MCC: variants seen among roughly 807,000 people sequenced by gnomAD.
MCC encodes the protein MCC regulator of Wnt signaling pathway, also known as colorectal mutant cancer protein.
In MCC, 90 loss-of-function variants were observed where a neutral mutation model predicts 116.2. The observed-to-expected ratio is 0.77, with a 90% confidence interval of 0.65 to 0.92. MCC has a LOEUF of 0.92. Ranked by LOEUF, MCC falls within the 40% of genes least tolerant of loss-of-function variation. The pLI is 0.00. For synonymous variants in MCC, 578 were observed against 510.5 expected (o/e 1.13, Z -1.78); for missense variants, 1,516 against 1,312.2 (o/e 1.16, Z -2.40).
intron 2 of MCC, among the ~76,000 whole-genome samples, chr5:113,353,660 G>A (rs59926560): frequency 0.014 from 2,145 of 152,228 alleles, 58 homozygotes; most frequent in African/African-American, 0.049. Flanking sequence ...AGGGTCACCC[G>A]TAGGATTCTA....
chr5:113,294,640 G>T, intron 3 of MCC: 4 of 1,117,110 alleles, frequency 3.6e-6, no homozygotes, highest in East Asian at 4.8e-5. Context: ...CTGCGGCAGC[G>T]GCGGAGCCCG....
At chr5:113,470,931 C>T (rs1181206222) in intron 1 of MCC, among the ~76,000 whole-genome samples, 1 of 152,140 alleles carries the variant, frequency 6.6e-6, no homozygotes, top group African/African-American at 2.4e-5. Context: ...TCATTCATTT[C>T]GTCTTCCATC....
In MCC at chr5:113,064,029, C is replaced by A; in HGVS notation, c.2168G>T (p.Cys723Phe). The A allele has an allele frequency of 6.2e-7, 1 of 1,614,002 alleles. No individual in the cohort carries two copies. The highest frequency in any genetic ancestry group is 8.5e-7 in the Non-Finnish European group (1 of 1,180,008). The part of the protein sequence containing the change: ...SCGGAFAVAG[C>F]SVQPWESLSS... ...AAGGCTCTCCCAGGGCTGCACGCTG[C>A]AGCCGGCCACGGCAAAGGCTCCCCC... The change falls in exon 14 of 19, where the codon TGC (cysteine) becomes TTC (phenylalanine). Residue 723 changes from cysteine to phenylalanine, a missense_variant. Physicochemically the swap from Cys to Phe is radical, Grantham distance 205. Transcript: ENST00000408903.
chr5:113,428,736 T>C (rs915104531), intron 1 of MCC: 1 of 152,102 alleles, frequency 6.6e-6, no homozygotes, highest in African/African-American at 2.4e-5. Flanking sequence ...CAAGGAAGAA[T>C]TTAAGGGGAA....
chr5:113,488,240 C>G lies in MCC; in HGVS notation c.170+5G>C, dbSNP rs535000692. 1.9e-6 allele frequency: 3 copies of G among 1,587,838 alleles called. No individual in the cohort carries two copies. Among genetic ancestry groups the G allele is most frequent in the African/African-American group, 2.8e-5 (2 of 71,852 alleles). On this transcript the variant is annotated splice_donor_5th_base_variant and intron_variant, in intron 1 of 18. Transcript: ENST00000408903. ...CTGTCGGTTTCCTCGTACCTCCCCG[C>G]GTACCTGCTGATGTATCCGTCCCCG... is the stretch of plus-strand genomic sequence containing the variant.
Position 113,423,338 on chromosome 5 carries a change from T to A in MCC, c.171-38126A>T, listed in dbSNP as rs1770391328. 2.0e-5 allele frequency among the ~76,000 whole-genome samples: 3 copies of A among 152,170 alleles called. No homozygotes were observed. In the South Asian group the frequency reaches 6.2e-4, roughly 32 times the overall value. On this transcript the variant is annotated intron_variant, in intron 1 of 18. Transcript: ENST00000408903. ...AGTGCTGTTGGCCATGAGCTCAATGTTAATGAATCAACAATCTATATTAAA... is the reference window on the plus strand; with the variant it reads ...AGTGCTGTTGGCCATGAGCTCAATGATAATGAATCAACAATCTATATTAAA...
At chr5:113,068,048 AGAG>A in intron 13 of MCC, 29 bp downstream of exon 13, 1 of 1,560,170 alleles carries the variant, frequency 6.4e-7, no homozygotes, top group Admixed American at 1.7e-5. Context: ...CAGGGAGACA[AGAG>A]GAGGAAGAGG....
chr5:113,083,992 C>G, intron 10 of MCC, 109 bp downstream of exon 10: 2 of 795,702 alleles, frequency 2.5e-6, no homozygotes, highest in Non-Finnish European at 4.3e-6. Flanking sequence ...ACTATTATAA[C>G]TAACTGGTTT....
intron 3 of MCC, among the ~76,000 whole-genome samples, chr5:113,241,178 T>A (rs368724077): frequency 1.3e-4 from 20 of 152,368 alleles, no homozygotes; most frequent in African/African-American, 4.6e-4. Context: ...AGTCTTTTCT[T>A]AGGAGTATAA....
intron 1 of MCC, among the ~76,000 whole-genome samples, chr5:113,460,750 C>A (rs1771721194): frequency 6.6e-6 from 1 of 152,172 alleles, no homozygotes. Context: ...TAGCTTGTTG[C>A]CTTATATTTG....
intron 3 of MCC, chr5:113,294,653 C>T (rs1046522687): frequency 9.2e-6 from 10 of 1,090,906 alleles, no homozygotes; most frequent in Non-Finnish European, 1.1e-5. Context: ...GGAGCCCGCG[C>T]GGGGACCCTC....
chr5:113,107,911 A>C (rs1283858421), intron 6 of MCC, among the ~76,000 whole-genome samples: 2 of 152,128 alleles, frequency 1.3e-5, no homozygotes, highest in Non-Finnish European at 2.9e-5. Context: ...TCTCATACTT[A>C]AATTGGGCAG....
Position 113,207,794 on chromosome 5 carries a change from A to T in MCC, c.628-56372T>A, listed in dbSNP as rs148824265. Among the ~76,000 whole-genome samples, 6 of 152,308 alleles carry T rather than the reference A, an allele frequency of 3.9e-5. No individual in the cohort carries two copies. In the East Asian group the frequency reaches 1.2e-3, roughly 29 times the overall value. On this transcript the variant is annotated intron_variant, in intron 3 of 18. Coordinates refer to ENST00000408903, the MANE Select transcript of MCC (RefSeq NM_001085377.2). Reference sequence around the variant, plus strand: ...CTAGCTAGAGGTAACAGCTTAAGAGAAACAAACCTATAAACAGAACCTTAA... The same window carrying T: ...CTAGCTAGAGGTAACAGCTTAAGAGTAACAAACCTATAAACAGAACCTTAA...
intron 3 of MCC, among the ~76,000 whole-genome samples, chr5:113,254,082 C>G (rs755703295): frequency 1.3e-5 from 2 of 152,144 alleles, no homozygotes; most frequent in Non-Finnish European, 2.9e-5. Flanking sequence ...GTCACAATAT[C>G]TTGATAATGA....
At chr5:113,110,581 GT>G (rs2150261150) in intron 6 of MCC, among the ~76,000 whole-genome samples, 1 of 152,292 alleles carries the variant, frequency 6.6e-6, no homozygotes, top group Admixed American at 6.5e-5. Flanking sequence ...TAAAATTAAA[GT>G]TGTAGACCAT....
intron 1 of MCC, among the ~76,000 whole-genome samples, chr5:113,410,724 T>C (rs568766335): frequency 5.1e-4 from 77 of 152,296 alleles, no homozygotes; most frequent in Middle Eastern, 3.4e-3. Context: ...GTCATTTACA[T>C]TAGGTGTTTC....
chr5:113,238,423 T>C (rs1356862451), intron 3 of MCC, among the ~76,000 whole-genome samples: 1 of 152,200 alleles, frequency 6.6e-6, no homozygotes, highest in African/African-American at 2.4e-5. Context: ...CAATTATACA[T>C]GACAGATGAC....
intron 8 of MCC, 103 bp from the exon 9 acceptor site, chr5:113,085,413 A>G (rs1313777903): frequency 8.7e-7 from 1 of 1,154,730 alleles, no homozygotes; most frequent in Non-Finnish European, 1.2e-6. Context: ...TTGAGGGATC[A>G]GCCCACTGAA....
chr5:113,034,461 A>G (rs1382771331), intron 17 of MCC, among the ~76,000 whole-genome samples: 1 of 152,104 alleles, frequency 6.6e-6, no homozygotes, highest in Admixed American at 6.5e-5. Flanking sequence ...GTACTCTGTG[A>G]TTAGAGTCCA....
Sources: gnomAD v4.1 joint callset for allele counts (sites outside exome capture counted in the v4.1 genomes callset) on GRCh38, gnomAD v4.1.1 for gene constraint, MANE v1.5 for transcripts, NCBI Gene and HGNC (gene_info 2026-07-23, HGNC 2026-07-21) for gene names.